The following DOCK4 variants were observed in gnomAD, a reference collection of about 807,000 sequenced individuals.
The protein encoded by DOCK4 is dedicator of cytokinesis protein 4.
In DOCK4, 97 loss-of-function variants were observed where a neutral mutation model predicts 268.1. The observed-to-expected ratio is 0.36, with a 90% CI of 0.31 to 0.43. The LOEUF (loss-of-function observed/expected upper bound fraction) is 0.43, where lower values mean the gene tolerates loss of function less well. DOCK4 is among the 20% of genes least tolerant of loss of function. The probability of loss-of-function intolerance (pLI) is 1.00; values close to 1 mark genes in which losing one functional copy is unlikely to be tolerated. For synonymous variants in DOCK4, 954 were observed against 887.2 expected (o/e 1.08, Z -1.34); for missense variants, 2,145 against 2,455.7 (o/e 0.87, Z 2.67).
intron 43 of DOCK4, 38 bp from the exon 44 acceptor site, chr7:111,746,455 G>GT (rs3832524): frequency 0.63 from 956,096 of 1,506,226 alleles, 309,248 homozygotes; most frequent in Non-Finnish European, 0.67. Flanking sequence ...CTTTAGTGGA[G>GT]TACAAGGCAA....
At chr7:111,822,279 G>T in intron 27 of DOCK4, 83 bp downstream of exon 27, 3 of 1,185,522 alleles carry the variant, frequency 2.5e-6, no homozygotes, top group Middle Eastern at 2.0e-4. Flanking sequence ...CTGCAAACTT[G>T]AGATCAAATG....
chr7:112,062,877 C>T (rs371498576), intron 1 of DOCK4, among the ~76,000 whole-genome samples: 1 of 152,208 alleles, frequency 6.6e-6, no homozygotes, highest in East Asian at 1.9e-4. Flanking sequence ...TGGGGTTTCA[C>T]CATGTTAGCC....
intron 1 of DOCK4, among the ~76,000 whole-genome samples, chr7:112,192,931 C>T (rs1201985481): frequency 6.6e-6 from 1 of 152,024 alleles, no homozygotes; most frequent in African/African-American, 2.4e-5. Flanking sequence ...GAAACACATA[C>T]TTAAGGATAG....
intron 20 of DOCK4, 62 bp from the exon 21 acceptor site, chr7:111,869,717 C>A: frequency 7.2e-7 from 1 of 1,380,852 alleles, no homozygotes. Flanking sequence ...TAAATGCCAA[C>A]AAATCCAACT....
At chr7:111,915,026 T>C (rs1792467647) in intron 13 of DOCK4, among the ~76,000 whole-genome samples, 2 of 152,216 alleles carry the variant, frequency 1.3e-5, no homozygotes, top group Admixed American at 1.3e-4. Context: ...ACACACATCC[T>C]TCCTCATCAG....
At position 111,732,243 on chromosome 7, in the gene DOCK4, C is replaced by T. The variant is rs377683436; in HGVS notation, c.5464G>A (p.Gly1822Arg). ...GCCTTTACCTTCAATGGAGATCGCC[C>T]GGCAGGCGAGGGGGATACTGATGTC... ...HTTSVSPSPA[G>R]RSPLKGSVQS... Residue 1822 changes from glycine (G) to arginine (R), a missense_variant, in exon 52 of 53, where the codon GGG (glycine) becomes AGG (arginine). Gly to Arg is a moderately radical substitution (Grantham distance 125). Coordinates refer to ENST00000428084, the MANE Select transcript of DOCK4 (RefSeq NM_001363540.2). 1.2e-5 allele frequency: 19 copies of T among 1,613,954 alleles called. No homozygotes were observed. The highest frequency in any genetic ancestry group is 1.6e-4 in the Middle Eastern group (1 of 6,062).
chr7:112,120,450 G>T (rs1812632601), intron 1 of DOCK4, among the ~76,000 whole-genome samples: 1 of 152,108 alleles, frequency 6.6e-6, no homozygotes, highest in South Asian at 2.1e-4. Context: ...CTAGACAAAA[G>T]AGAAAAAATA....
intron 12 of DOCK4, among the ~76,000 whole-genome samples, chr7:111,919,701 C>T (rs1792941424): frequency 1.3e-5 from 2 of 152,250 alleles, no homozygotes; most frequent in Middle Eastern, 3.4e-3. Flanking sequence ...TCAAGAATGA[C>T]AAAGGTTAAC....
intron 8 of DOCK4, among the ~76,000 whole-genome samples, chr7:111,952,077 C>T (rs1489225611): frequency 1.4e-5 from 2 of 144,770 alleles, no homozygotes; most frequent in African/African-American, 5.1e-5. Flanking sequence ...GGCAAGATAG[C>T]AAAGTCCCTG....
rs71689051 is a variant in DOCK4, at chr7:112,200,739, C to CAAAAA, written c.37+5358_37+5362dup. Among the ~76,000 whole-genome samples the CAAAAA allele has an allele frequency of 4.6e-5, 6 of 129,048 alleles. 1 individual carries two copies. The highest frequency in any genetic ancestry group is 2.5e-4 in the Admixed American group (3 of 11,920). 84.7% of individuals were successfully genotyped at this position (129,048 alleles called of 152,430 possible). A position where few individuals can be genotyped will look rare whatever the true frequency, so the allele number is the denominator to read the frequency against. ...AGCCTCTAAAATAAAAAAAAAAAAA[C>CAAAAA]AAAAAAAAACAAGATCATAGAGGAA... is the stretch of plus-strand genomic sequence containing the variant. On this transcript the variant is annotated intron_variant, in intron 1 of 52. Coordinates refer to ENST00000428084, the MANE Select transcript of DOCK4 (RefSeq NM_001363540.2).
In DOCK4 at chr7:111,741,118, G is replaced by C. The variant is rs1009799200; in HGVS notation, c.5016C>G (p.Ser1672Arg). The C allele has an allele frequency of 1.2e-6, 2 of 1,613,900 alleles. No individual in the cohort carries two copies. The highest frequency in any genetic ancestry group is 1.7e-6 in the Non-Finnish European group (2 of 1,179,846). The change falls in exon 47 of 53, where the codon AGC (serine) becomes AGG (arginine). Residue 1672 changes from serine (S) to arginine (R), a missense_variant. This residue lies in a region of DOCK4 where 547 missense variants were observed against 469.0 expected (regional missense o/e 1.17). Coordinates refer to ENST00000428084, the MANE Select transcript of DOCK4 (RefSeq NM_001363540.2). ...EVSNITGQSESSDEVFNMQPS... is the reference protein window; with the variant it reads ...EVSNITGQSERSDEVFNMQPS... ...CCTGCATGTTAAAGACTTCATCAGA[G>C]CTTTCTGATTGCCCTGTAATATTGC...
chr7:111,946,053 A>C (rs1488930526), intron 8 of DOCK4, among the ~76,000 whole-genome samples: 2 of 152,242 alleles, frequency 1.3e-5, no homozygotes. Flanking sequence ...AAAGACTTGA[A>C]TACAATTTTA....
intron 16 of DOCK4, among the ~76,000 whole-genome samples, chr7:111,879,014 T>C (rs1188682552): frequency 1.3e-5 from 2 of 151,718 alleles, no homozygotes; most frequent in Non-Finnish European, 2.9e-5. Context: ...ATAGTAAATC[T>C]GGCACAATCC....
Position 111,727,462 on chromosome 7 carries a change from A to T in DOCK4, c.*812T>A, listed in dbSNP as rs531926581. 6.5e-6 allele frequency: 1 copy of T among 152,700 alleles called. No homozygotes were observed. The highest frequency in any genetic ancestry group is 6.5e-5 in the Admixed American group (1 of 15,296). 9.5% of individuals were successfully genotyped at this position (152,700 alleles called of 1,614,324 possible). A position where few individuals can be genotyped will look rare whatever the true frequency, so the allele number is the denominator to read the frequency against. On this transcript the variant is annotated 3_prime_UTR_variant, in exon 53 of 53. Coordinates refer to ENST00000428084, the MANE Select transcript of DOCK4 (RefSeq NM_001363540.2). ...ATTTGTGCCTCATTAATACTTCAGC[A>T]TTTGCTCTTGTTCAATGACAAATTT...
At chr7:111,985,811 C>T (rs1366856244) in intron 6 of DOCK4, among the ~76,000 whole-genome samples, 1 of 152,228 alleles carries the variant, frequency 6.6e-6, no homozygotes, top group African/African-American at 2.4e-5. Context: ...CTTGCTACAT[C>T]TCACCAGGGA....
chr7:111,877,511 A>C lies in DOCK4; in HGVS notation c.1588-325T>G, dbSNP rs142226975. ...TTGTCATAAGAATTAGGTTATATAA[A>C]GCCTTTAACACAGTCCTGATACCTT... On this transcript the variant is annotated intron_variant, in intron 16 of 52. Coordinates refer to ENST00000428084, the MANE Select transcript of DOCK4 (RefSeq NM_001363540.2). Among the ~76,000 whole-genome samples, 325 of 152,312 alleles carry C rather than the reference A, an allele frequency of 2.1e-3. 3 individuals are homozygous for C. Among genetic ancestry groups the C allele is most frequent in the Middle Eastern group, 6.8e-3 (2 of 294 alleles).
intron 1 of DOCK4, among the ~76,000 whole-genome samples, chr7:112,035,008 T>C (rs1803625176): frequency 6.6e-6 from 1 of 152,188 alleles, no homozygotes; most frequent in Non-Finnish European, 1.5e-5. Context: ...TGTGGGACTT[T>C]GCATGCTTCA....
At chr7:111,842,427 A>T (rs953869261) in intron 25 of DOCK4, among the ~76,000 whole-genome samples, 3 of 152,238 alleles carry the variant, frequency 2.0e-5, no homozygotes, top group Non-Finnish European at 4.4e-5. Context: ...TTTTAGCCGC[A>T]GTTGCTCTAT....
At chr7:111,888,511 T>C (rs928667684) in intron 16 of DOCK4, among the ~76,000 whole-genome samples, 1 of 152,004 alleles carries the variant, frequency 6.6e-6, no homozygotes, top group Non-Finnish European at 1.5e-5. Context: ...CATCCACCCA[T>C]CTATCTAATC....
Sources: gnomAD v4.1 joint callset for allele counts (sites outside exome capture counted in the v4.1 genomes callset) on GRCh38, gnomAD v4.1.1 for gene constraint, gnomAD v4.1.1 regional missense constraint, MANE v1.5 for transcripts, NCBI Gene and HGNC (gene_info 2026-07-23, HGNC 2026-07-21) for gene names.